Variants in BANK1 observed in about 807,000 individuals in gnomAD.
BANK1 encodes B cell scaffold protein with ankyrin repeats 1.
BANK1 carries 95 observed loss-of-function variants against 94.5 expected under a neutral mutation model. The ratio of observed to expected loss-of-function variants is 1.00; its 90% CI spans 0.85 to 1.19. The LOEUF is 1.19. BANK1 is among the 50% of genes most tolerant of loss of function. The pLI is 0.00. For synonymous variants in BANK1, 334 were observed against 308.4 expected (o/e 1.08, Z -0.87); for missense variants, 987 against 932.2 (o/e 1.06, Z -0.77).
At chr4:101,926,731 C>T (rs1184144347) in intron 7 of BANK1, among the ~76,000 whole-genome samples, 1 of 151,686 alleles carries the variant, frequency 6.6e-6, no homozygotes, top group East Asian at 1.9e-4. Context: ...AATTTTGAAA[C>T]GAGTAGTCAG....
intron 3 of BANK1, among the ~76,000 whole-genome samples, chr4:101,857,134 C>G (rs911516240): frequency 6.6e-6 from 1 of 152,084 alleles, no homozygotes; most frequent in African/African-American, 2.4e-5. Context: ...GAGAAGTTTT[C>G]CAAGTAGTCC....
chr4:101,926,546 G>T (rs989465396), intron 7 of BANK1, among the ~76,000 whole-genome samples: 4 of 151,648 alleles, frequency 2.6e-5, no homozygotes. Context: ...GCCAAGCATT[G>T]TTCTAAACAC....
Position 102,030,047 on chromosome 4 carries a change from A to G in BANK1, c.1682A>G (p.Glu561Gly). Residue 561 changes from glutamate to glycine, a missense_variant, in exon 10 of 17, where the codon GAA (glutamate) becomes GGA (glycine). Transcript: ENST00000322953. ...RQETGDEPKG[E>G]KEKKEEEKEQ... ...GAAACAGGAGATGAACCCAAAGGAG[A>G]AAAAGAGAAGAAAGAAGAGGAAAAA... 6.2e-7 allele frequency: 1 copy of G among 1,613,980 alleles called. No homozygotes were observed.
intron 7 of BANK1, among the ~76,000 whole-genome samples, chr4:101,932,862 A>G (rs1723404035): frequency 6.6e-6 from 1 of 151,572 alleles, no homozygotes; most frequent in African/African-American, 2.4e-5. Context: ...ATTACAGACT[A>G]AAACTAAATT....
chr4:102,015,761 T>C (rs1264469215), intron 7 of BANK1, among the ~76,000 whole-genome samples: 2 of 152,196 alleles, frequency 1.3e-5, no homozygotes, highest in Non-Finnish European at 2.9e-5. Flanking sequence ...TTATTTCTTA[T>C]ATTTGCATTC....
chr4:101,854,756 A>T (rs1727617192), intron 2 of BANK1, among the ~76,000 whole-genome samples: 1 of 152,232 alleles, frequency 6.6e-6, no homozygotes, highest in African/African-American at 2.4e-5. Context: ...AAGAGAAAAT[A>T]GATATGGTGA....
chr4:102,067,639 T>C (rs1728637429), intron 13 of BANK1, among the ~76,000 whole-genome samples: 1 of 151,810 alleles, frequency 6.6e-6, no homozygotes, highest in Non-Finnish European at 1.5e-5. Flanking sequence ...CTGCGTTATA[T>C]AAAATAATTT....
At position 102,025,279 on chromosome 4, in the gene BANK1, T is replaced by C; in HGVS notation, c.1364T>C (p.Met455Thr). 1 of 1,613,556 alleles carries C rather than the reference T, an allele frequency of 6.2e-7. No homozygotes were observed. The highest frequency in any genetic ancestry group is 8.5e-7 in the Non-Finnish European group (1 of 1,179,892). ...GCAGATGGAGCTGAGGCAAATGAAA[T>C]GGAAGGGGAAGGAAAACAGAATGGA... Reference protein sequence around the residue: ...QSADGAEANEMEGEGKQNGSG... With the variant: ...QSADGAEANETEGEGKQNGSG... The change falls in exon 9 of 17, where the codon ATG (methionine) becomes ACG (threonine). Residue 455 changes from methionine to threonine, a missense_variant. Transcript: ENST00000322953.
At chr4:101,879,443 A>C (rs1160701253) in intron 5 of BANK1, among the ~76,000 whole-genome samples, 1 of 152,004 alleles carries the variant, frequency 6.6e-6, no homozygotes, top group Non-Finnish European at 1.5e-5. Flanking sequence ...CAAGTAACTA[A>C]ATTGAAGCCT....
At chr4:101,941,631 G>A (rs1723743275) in intron 7 of BANK1, among the ~76,000 whole-genome samples, 1 of 151,810 alleles carries the variant, frequency 6.6e-6, no homozygotes, top group South Asian at 2.1e-4. Flanking sequence ...ATTCGTCAGA[G>A]GTATAGGTGG....
At chr4:101,940,223 G>T (rs1723696588) in intron 7 of BANK1, among the ~76,000 whole-genome samples, 1 of 149,458 alleles carries the variant, frequency 6.7e-6, no homozygotes, top group African/African-American at 2.4e-5. Context: ...CAATGGTAGG[G>T]ACTTTTCCCT....
At chr4:101,865,815 C>A (rs1036437635) in intron 4 of BANK1, among the ~76,000 whole-genome samples, 6 of 151,910 alleles carry the variant, frequency 3.9e-5, no homozygotes, top group Admixed American at 3.3e-4. Context: ...ACCAAAAAAA[C>A]CCAGCAAGAT....
chr4:101,841,044 C>A (rs1236647556), intron 2 of BANK1, among the ~76,000 whole-genome samples: 1 of 152,160 alleles, frequency 6.6e-6, no homozygotes, highest in Non-Finnish European at 1.5e-5. Flanking sequence ...CCAGGCTGGT[C>A]TCAAACTCCT....
At chr4:101,972,731 A>C (rs991912298) in intron 7 of BANK1, 1 of 152,110 alleles carries the variant, frequency 6.6e-6, no homozygotes, top group South Asian at 2.1e-4. Flanking sequence ...AGCTCTTGTC[A>C]TAACTCATCT....
chr4:101,861,367 TA>T (rs1195064635), intron 3 of BANK1, among the ~76,000 whole-genome samples: 2 of 152,192 alleles, frequency 1.3e-5, no homozygotes, highest in Non-Finnish European at 2.9e-5. Flanking sequence ...ATCTTGAAAT[TA>T]GTAACTTTTT....
At chr4:101,950,021 GTGTGTGTGTGTGTGTGT>G (rs1724079446) in intron 7 of BANK1, among the ~76,000 whole-genome samples, 13 of 8,116 alleles carry the variant, frequency 1.6e-3, no homozygotes, top group Non-Finnish European at 4.3e-3. Flanking sequence ...AGTAAGGGGT[GTGTGTGTGTGTGTGTGT>G]GTGTGTGTGT....
intron 7 of BANK1, among the ~76,000 whole-genome samples, chr4:101,975,003 G>T (rs1194923759): frequency 1.3e-5 from 2 of 152,012 alleles, no homozygotes; most frequent in East Asian, 1.9e-4. Context: ...TGTGCTCATT[G>T]TAACCTACAA....
chr4:101,837,192 A>G (rs1236623032), intron 2 of BANK1, among the ~76,000 whole-genome samples: 1 of 152,224 alleles, frequency 6.6e-6, no homozygotes, highest in South Asian at 2.1e-4. Context: ...TTAGACAATA[A>G]TCAATTCTAT....
chr4:101,955,768 TG>T (rs1724315387), intron 7 of BANK1, among the ~76,000 whole-genome samples: 1 of 152,196 alleles, frequency 6.6e-6, no homozygotes, highest in South Asian at 2.1e-4. Flanking sequence ...GCTACAAATT[TG>T]TTTCATAGTA....
Sources: allele counts gnomAD v4.1 joint callset (sites outside exome capture counted in the v4.1 genomes callset), GRCh38; gene constraint gnomAD v4.1.1; transcripts MANE v1.5; gene names NCBI Gene and HGNC (gene_info 2026-07-23, HGNC 2026-07-21).